The following PSMC1 variants were observed in gnomAD, a reference collection of about 807,000 sequenced individuals.
PSMC1 encodes the protein proteasome 26S subunit, ATPase 1.
A neutral mutation model predicts 49.8 loss-of-function variants in PSMC1; 5 were observed. The ratio of observed to expected loss-of-function variants is 0.10; its 90% CI spans 0.05 to 0.21. The LOEUF (loss-of-function observed/expected upper bound fraction) is 0.21. Among genes scored for constraint, PSMC1 ranks in the 10% least tolerant of loss-of-function variants. PSMC1 has a pLI of 1.00. For missense variants in PSMC1, 181 were observed against 535.7 expected, an observed-to-expected ratio of 0.34 and a Z score of 6.54; for synonymous variants, 155 against 192.1, an observed-to-expected ratio of 0.81 and a Z score of 1.60.
intron 10 of PSMC1, chr14:90,271,592 G>C (rs1891664889): frequency 6.6e-6 from 1 of 152,098 alleles, no homozygotes; most frequent in African/African-American, 2.4e-5. Context: ...AAATGAAATA[G>C]ACATATACTG....
rs1301284819 is a variant in PSMC1 at position 90,273,574 on chromosome 14, A to ATAAAT, written c.*1168_*1172dup. ...CTCCGTCTCAAAAATAAATAAATAA[A>ATAAAT]TAAATAAAAACCACAATTTTATCTC... On this transcript the variant is annotated 3_prime_UTR_variant, in exon 11 of 11. Coordinates refer to ENST00000261303, the MANE Select transcript of PSMC1 (RefSeq NM_002802.3). 2 of 152,242 alleles carry ATAAAT rather than the reference A, an allele frequency of 1.3e-5. No homozygotes were observed. Among genetic ancestry groups the ATAAAT allele is most frequent in the African/African-American group, 4.8e-5 (2 of 41,450 alleles). The allele number at this position is 152,242 out of a possible 1,614,324, so 9.4% of individuals were successfully genotyped here. A position where few individuals can be genotyped will look rare whatever the true frequency, so the allele number is the denominator to read the frequency against.
chr14:90,274,030 C>T lies in PSMC1; in HGVS notation c.*1623C>T, dbSNP rs538618641. ...TTCCTTTTGCCATGTAACATTCACACGTTCCAGGGCTTAGGGTGTGGCCAT... is the reference window on the plus strand; with the variant it reads ...TTCCTTTTGCCATGTAACATTCACATGTTCCAGGGCTTAGGGTGTGGCCAT... On this transcript the variant is annotated 3_prime_UTR_variant, in exon 11 of 11. Transcript: ENST00000261303. The T allele has an allele frequency of 4.5e-5, 7 of 155,014 alleles. No homozygotes were observed. In the South Asian group the frequency reaches 6.1e-4, roughly 13 times the overall value. The allele number at this position is 155,014 out of a possible 1,614,324, so 9.6% of individuals were successfully genotyped here.
At chr14:90,267,315 G>C (rs1891543907) in intron 7 of PSMC1, among the ~76,000 whole-genome samples, 1 of 151,678 alleles carries the variant, frequency 6.6e-6, no homozygotes, top group Non-Finnish European at 1.5e-5. Flanking sequence ...GCATGTGCTG[G>C]CTAATATTGT....
At chr14:90,261,222 C>T (rs1348277123) in intron 3 of PSMC1, among the ~76,000 whole-genome samples, 1 of 152,194 alleles carries the variant, frequency 6.6e-6, no homozygotes, top group Admixed American at 6.5e-5. Context: ...AATGTTCCCC[C>T]AGTTCTTCTC....
At chr14:90,258,510 C>A (rs1161364525) in intron 1 of PSMC1, among the ~76,000 whole-genome samples, 1 of 152,124 alleles carries the variant, frequency 6.6e-6, no homozygotes, top group Non-Finnish European at 1.5e-5. Flanking sequence ...TAAGCATTGT[C>A]CTATAACTGT....
intron 3 of PSMC1, among the ~76,000 whole-genome samples, chr14:90,262,739 G>A (rs1037546389): frequency 6.6e-6 from 1 of 151,582 alleles, no homozygotes; most frequent in Admixed American, 6.6e-5. Flanking sequence ...AGCTGAGATC[G>A]CGCCGCTGCA....
In PSMC1 at chr14:90,256,866, C is replaced by T. The variant is rs142385526; in HGVS notation, c.3+266C>T. On this transcript the variant is annotated intron_variant, in intron 1 of 10. Transcript: ENST00000261303. Reference sequence around the variant, plus strand: ...TCTCCTGCGTGGTCTTGTGGGGCGGCAGAACGGATCAGGCCGCTGGCTTTG... The same window carrying T: ...TCTCCTGCGTGGTCTTGTGGGGCGGTAGAACGGATCAGGCCGCTGGCTTTG... Among the ~76,000 whole-genome samples the T allele has an allele frequency of 9.5e-3, 1,450 of 152,278 alleles. 20 individuals carry two copies. Among genetic ancestry groups the T allele is most frequent in the African/African-American group, 0.033 (1,365 of 41,566 alleles).
Position 90,257,287 on chromosome 14 carries a change from C to T in PSMC1, c.3+687C>T, listed in dbSNP as rs1891313087. 1.3e-5 allele frequency among the ~76,000 whole-genome samples: 2 copies of T among 152,056 alleles called. 1 individual carries two copies. The highest frequency in any genetic ancestry group is 1.3e-4 in the Admixed American group (2 of 15,270). ...GATTGAAGTCCCTGCCTTCATAGTG[C>T]GTACATTCTAGAGCAGAAGGCAGAC... On this transcript the variant is annotated intron_variant, in intron 1 of 10. Transcript: ENST00000261303.
rs1052314513 is a variant in PSMC1, at chr14:90,268,673, G to A, written c.881+260G>A. 5 of 366,208 alleles carry A rather than the reference G, an allele frequency of 1.4e-5. No homozygotes were observed. The Admixed American group carries it at 2.2e-4, about 16-fold the overall frequency. 22.7% of individuals were successfully genotyped at this position (366,208 alleles called of 1,614,324 possible). A position where few individuals can be genotyped will look rare whatever the true frequency, so the allele number is the denominator to read the frequency against. On this transcript the variant is annotated intron_variant, in intron 8 of 10. Coordinates refer to ENST00000261303, the MANE Select transcript of PSMC1 (RefSeq NM_002802.3). ...TGATCCAGGACCATCTGGACTCTAG[G>A]GACACAGTTGTGAGCACAAGTCTCT...
chr14:90,270,426 G>C lies in PSMC1; in HGVS notation c.1188+74G>C, dbSNP rs188528911. On this transcript the variant is annotated intron_variant, in intron 10 of 10. Coordinates refer to ENST00000261303, the MANE Select transcript of PSMC1 (RefSeq NM_002802.3). ...CAGGAAAGAGTCTATATGTGCTCTT[G>C]GGATGGTGGTTGGCCTGGACAGGTG... The C allele has an allele frequency of 1.2e-3, 1,851 of 1,502,314 alleles. 1 individual carries two copies. The highest frequency in any genetic ancestry group is 1.5e-3 in the Non-Finnish European group (1,722 of 1,120,188). 93.1% of individuals were successfully genotyped at this position (1,502,314 alleles called of 1,614,324 possible).
intron 10 of PSMC1, 38 bp downstream of exon 10, chr14:90,270,390 T>G (rs1891630169): frequency 1.3e-6 from 2 of 1,593,584 alleles, no homozygotes; most frequent in Non-Finnish European, 1.7e-6. Context: ...TCTGGGAATG[T>G]GGCCGTCAAT....
chr14:90,268,138 C>A (rs1390024224), intron 7 of PSMC1, 86 bp from the exon 8 acceptor site: 6 of 1,140,532 alleles, frequency 5.3e-6, no homozygotes, highest in Middle Eastern at 3.0e-4. Flanking sequence ...TTTTGGTGTC[C>A]ATTTAAGGTG....
chr14:90,270,073 C>A, intron 9 of PSMC1, 125 bp from the exon 10 acceptor site: 2 of 978,820 alleles, frequency 2.0e-6, no homozygotes, highest in Non-Finnish European at 3.0e-6. Context: ...AAAATTTAGA[C>A]ATCCTTCCCA....
At position 90,275,417 on chromosome 14, in the gene PSMC1, A is replaced by C. The variant is rs988767004; in HGVS notation, c.*3010A>C. On this transcript the variant is annotated 3_prime_UTR_variant, in exon 11 of 11. Transcript: ENST00000261303. ...TTTCCTAAGTTTGAGATTAAAAAAA[A>C]CAAAAAACCCCAGCACATCAGTATT... 6.6e-6 allele frequency: 1 copy of C among 152,190 alleles called. No individual in the cohort carries two copies. Among genetic ancestry groups the C allele is most frequent in the Non-Finnish European group, 1.5e-5 (1 of 68,044 alleles). 9.4% of individuals were successfully genotyped at this position (152,190 alleles called of 1,614,324 possible).
chr14:90,267,152 C>T (rs868224452), intron 7 of PSMC1, among the ~76,000 whole-genome samples: 69 of 148,516 alleles, frequency 4.6e-4, no homozygotes, highest in African/African-American at 1.6e-3. Context: ...TTTTTTGAGA[C>T]GGAGTCTTGC....
chr14:90,263,949 A>G, intron 5 of PSMC1, 92 bp from the exon 6 acceptor site: 1 of 1,581,704 alleles, frequency 6.3e-7, no homozygotes, highest in East Asian at 2.2e-5. Flanking sequence ...AGCACTCCTC[A>G]GGCAGAAGGA....
intron 6 of PSMC1, 129 bp downstream of exon 6, chr14:90,264,298 A>C (rs1891462394): frequency 7.6e-7 from 1 of 1,310,592 alleles, no homozygotes; most frequent in South Asian, 1.5e-5. Context: ...AGAGCTTGCC[A>C]GTTGTGGTAT....
In PSMC1 at chr14:90,259,153, C is replaced by T; in HGVS notation, c.4-7C>T. The stretch of plus-strand genomic sequence containing the variant: ...ATTTACATCTGTGCCTGATTTTTCT[C>T]CTCCAGGGTCAAAGTCAGAGTGGTG... On this transcript the variant is annotated splice_region_variant and splice_polypyrimidine_tract_variant and intron_variant, in intron 1 of 10. Coordinates refer to ENST00000261303, the MANE Select transcript of PSMC1 (RefSeq NM_002802.3). The T allele has an allele frequency of 6.2e-7, 1 of 1,613,180 alleles. No individual in the cohort carries two copies. Among genetic ancestry groups the T allele is most frequent in the Middle Eastern group, 1.7e-4 (1 of 6,056 alleles).
rs1347536619 is a variant in PSMC1 at position 90,272,838 on chromosome 14, T to C, written c.*431T>C. 2 of 153,922 alleles carry C rather than the reference T, an allele frequency of 1.3e-5. No homozygotes were observed. The highest frequency in any genetic ancestry group is 2.9e-5 in the Non-Finnish European group (2 of 69,162). 9.5% of individuals were successfully genotyped at this position (153,922 alleles called of 1,614,324 possible). On this transcript the variant is annotated 3_prime_UTR_variant, in exon 11 of 11. Transcript: ENST00000261303. The surrounding 1 kb of genome is among the most constrained non-coding windows in gnomAD (Gnocchi z 4.5). ...CTACCACAGAGCCAGGGATATTCGT[T>C]GTTTAAATAATAAAGGCTGCGTTAA...
Sources: gnomAD v4.1 joint callset for allele counts (sites outside exome capture counted in the v4.1 genomes callset) on GRCh38, gnomAD v4.1.1 for gene constraint, Gnocchi (gnomAD v3.1) non-coding constraint, MANE v1.5 for transcripts, NCBI Gene and HGNC (gene_info 2026-07-23, HGNC 2026-07-21) for gene names.